The following WDR70 variants were observed in gnomAD, a reference collection of about 807,000 sequenced individuals.
WDR70 encodes the protein WD repeat domain 70.
A neutral mutation model predicts 88.6 loss-of-function variants in WDR70; 53 were observed. The observed-to-expected ratio is 0.60, with a 90% CI of 0.48 to 0.75. The LOEUF is 0.75. Ranked by LOEUF, WDR70 falls within the 30% of genes least tolerant of loss-of-function variation. WDR70 has a pLI of 0.00. For missense variants in WDR70, 610 were observed against 823.2 expected, an observed-to-expected ratio of 0.74 and a Z score of 3.17; for synonymous variants, 280 against 270.0, an observed-to-expected ratio of 1.04 and a Z score of -0.36.
chr5:37,476,783 C>G (rs1013302662), intron 7 of WDR70, among the ~76,000 whole-genome samples: 1 of 152,202 alleles, frequency 6.6e-6, no homozygotes, highest in African/African-American at 2.4e-5. Context: ...ATCTCAACCT[C>G]GTGATCCACC....
intron 9 of WDR70, among the ~76,000 whole-genome samples, chr5:37,530,894 CTATT>C (rs1741463065): frequency 6.6e-6 from 1 of 150,530 alleles, no homozygotes; most frequent in Admixed American, 6.7e-5. Context: ...CTTAGATTGT[CTATT>C]TGTGCTCTTT....
At chr5:37,608,760 T>G (rs914844775) in intron 10 of WDR70, among the ~76,000 whole-genome samples, 6 of 152,044 alleles carry the variant, frequency 3.9e-5, no homozygotes, top group African/African-American at 9.7e-5. Context: ...GGGCTCACTA[T>G]GTAACCCAGG....
chr5:37,545,518 A>ATTTTGT (rs1234982649), intron 9 of WDR70, among the ~76,000 whole-genome samples: 14 of 149,844 alleles, frequency 9.3e-5, no homozygotes, highest in Admixed American at 6.6e-4. Context: ...TATTTATTTA[A>ATTTTGT]TTTTGTTTTT....
intron 9 of WDR70, among the ~76,000 whole-genome samples, chr5:37,578,116 CAG>C (rs1239724672): frequency 1.3e-5 from 2 of 152,116 alleles, no homozygotes; most frequent in African/African-American, 4.8e-5. Context: ...TGGTCTCTCT[CAG>C]AATATAGTTT....
chr5:37,685,337 A>G (rs1436450224), intron 10 of WDR70, among the ~76,000 whole-genome samples: 1 of 151,982 alleles, frequency 6.6e-6, no homozygotes, highest in African/African-American at 2.4e-5. Flanking sequence ...GGCCTGGGGG[A>G]AGCTGCAGTG....
chr5:37,399,171 G>A (rs577527667), intron 5 of WDR70, among the ~76,000 whole-genome samples: 335 of 152,268 alleles, frequency 2.2e-3, no homozygotes, highest in Middle Eastern at 3.4e-3. Flanking sequence ...CCAGCTACTC[G>A]GGAGGCTGAG....
chr5:37,658,095 GA>G (rs1355352147), intron 10 of WDR70, among the ~76,000 whole-genome samples: 1 of 151,896 alleles, frequency 6.6e-6, no homozygotes. Context: ...TAATAAGGAA[GA>G]AAAAACATAT....
intron 9 of WDR70, among the ~76,000 whole-genome samples, chr5:37,520,195 T>C (rs1741043900): frequency 6.6e-6 from 1 of 152,204 alleles, no homozygotes; most frequent in Admixed American, 6.5e-5. Flanking sequence ...ATTTTGTCTT[T>C]CATCTTTCAA....
intron 4 of WDR70, among the ~76,000 whole-genome samples, chr5:37,394,743 C>T (rs1748956994): frequency 6.6e-6 from 1 of 152,108 alleles, no homozygotes; most frequent in African/African-American, 2.4e-5. Context: ...AGTCAGCCGA[C>T]AGAACTACAA....
At chr5:37,564,220 C>T (rs957932198) in intron 9 of WDR70, among the ~76,000 whole-genome samples, 1 of 151,954 alleles carries the variant, frequency 6.6e-6, no homozygotes, top group African/African-American at 2.4e-5. Context: ...CGCCACTGCA[C>T]TCCAGCCTGG....
chr5:37,667,099 C>T (rs1745875012), intron 10 of WDR70, among the ~76,000 whole-genome samples: 1 of 152,108 alleles, frequency 6.6e-6, no homozygotes, highest in Non-Finnish European at 1.5e-5. Context: ...ACACTACTAG[C>T]TTCTGCCTTA....
intron 11 of WDR70, chr5:37,700,232 A>G (rs555413306): frequency 1.3e-5 from 2 of 152,334 alleles, no homozygotes; most frequent in East Asian, 1.9e-4. Context: ...CTGGGGAGAA[A>G]GAACAGCGAA....
At position 37,441,867 on chromosome 5, in the gene WDR70, A is replaced by G. The variant is rs1346103318; in HGVS notation, c.553-1372A>G. Among the ~76,000 whole-genome samples the G allele has an allele frequency of 2.6e-5, 4 of 152,124 alleles. No homozygotes were observed. The East Asian group carries it at 5.8e-4, about 22-fold the overall frequency. On this transcript the variant is annotated intron_variant, in intron 6 of 17. Transcript: ENST00000265107. Reference sequence around the variant, plus strand: ...TTGATTCTTTTACTGTGTCCAATGTATAGTAATCGCATTAAATATTCCTAA... The same window carrying G: ...TTGATTCTTTTACTGTGTCCAATGTGTAGTAATCGCATTAAATATTCCTAA...
chr5:37,650,068 G>A (rs1483662372), intron 10 of WDR70, among the ~76,000 whole-genome samples: 1 of 148,442 alleles, frequency 6.7e-6, no homozygotes, highest in Non-Finnish European at 1.5e-5. Context: ...TTTATTGGCA[G>A]ATCAGGGGTT....
intron 7 of WDR70, among the ~76,000 whole-genome samples, chr5:37,469,284 G>A (rs1277293020): frequency 6.6e-6 from 1 of 152,146 alleles, no homozygotes; most frequent in Non-Finnish European, 1.5e-5. Context: ...AAAGCATCCT[G>A]CTGATACAGG....
At chr5:37,405,932 A>G (rs890662037) in intron 5 of WDR70, among the ~76,000 whole-genome samples, 8 of 152,086 alleles carry the variant, frequency 5.3e-5, no homozygotes, top group African/African-American at 1.9e-4. Context: ...AATTCCAGCT[A>G]CTCAGGAGAA....
chr5:37,714,699 G>A (rs114179523), intron 13 of WDR70, among the ~76,000 whole-genome samples: 4 of 152,116 alleles, frequency 2.6e-5, no homozygotes, highest in Non-Finnish European at 4.4e-5. Flanking sequence ...CACCCACCTG[G>A]GTCACTCACC....
chr5:37,691,398 C>G (rs552754071), intron 10 of WDR70, among the ~76,000 whole-genome samples: 1 of 152,314 alleles, frequency 6.6e-6, no homozygotes, highest in South Asian at 2.1e-4. Context: ...CCCGAATCAA[C>G]AGAGTATACA....
At chr5:37,489,491 G>C (rs1465792463) in intron 8 of WDR70, among the ~76,000 whole-genome samples, 1 of 152,172 alleles carries the variant, frequency 6.6e-6, no homozygotes, top group African/African-American at 2.4e-5. Context: ...GCCAGGTTTG[G>C]TGGTGGTGGC....
Sources: allele counts gnomAD v4.1 joint callset (sites outside exome capture counted in the v4.1 genomes callset), GRCh38; gene constraint gnomAD v4.1.1; transcripts MANE v1.5; gene names NCBI Gene and HGNC (gene_info 2026-07-23, HGNC 2026-07-21).